Variants in PIK3C2G observed in about 807,000 individuals in gnomAD.
The protein encoded by PIK3C2G is phosphatidylinositol 3-kinase C2 domain-containing subunit gamma.
A neutral mutation model predicts 181.1 loss-of-function variants in PIK3C2G; 168 were observed. The observed-to-expected ratio is 0.93, with a 90% confidence interval of 0.82 to 1.05. The LOEUF is 1.05. PIK3C2G is among the 50% of genes least tolerant of loss of function. The pLI is 0.00. For synonymous variants in PIK3C2G, 573 were observed against 592.2 expected, an observed-to-expected ratio of 0.97 and a Z score of 0.47; for missense variants, 1,869 against 1,732.8, an observed-to-expected ratio of 1.08 and a Z score of -1.40.
At chr12:18,696,571 C>T in the PIK3C2G span, among the ~76,000 whole-genome samples, 1 of 151,666 alleles carries the variant, frequency 6.6e-6, no homozygotes, top group East Asian at 1.9e-4. Context: ...CAAATTATTT[C>T]ACTTTGTTGT....
chr12:18,342,311 T>G (rs1161343775), intron 9 of PIK3C2G, among the ~76,000 whole-genome samples: 1 of 152,076 alleles, frequency 6.6e-6, no homozygotes, highest in Non-Finnish European at 1.5e-5. Flanking sequence ...AAATGATGCT[T>G]TTAATTAAAA....
chr12:18,264,212 G>T (rs1308756590), intron 1 of PIK3C2G, among the ~76,000 whole-genome samples: 1 of 151,888 alleles, frequency 6.6e-6, no homozygotes, highest in Non-Finnish European at 1.5e-5. Flanking sequence ...TTTTAAGTTG[G>T]ATTGCTCAAC....
At chr12:18,502,690 A>T (rs1411590491) in intron 22 of PIK3C2G, among the ~76,000 whole-genome samples, 2 of 152,162 alleles carry the variant, frequency 1.3e-5, no homozygotes, top group Non-Finnish European at 2.9e-5. Context: ...AGTTCAATCA[A>T]TATATGCTCC....
chr12:18,633,946 G>A (rs1429561743), intron 31 of PIK3C2G, among the ~76,000 whole-genome samples: 1 of 152,126 alleles, frequency 6.6e-6, no homozygotes, highest in Non-Finnish European at 1.5e-5. Context: ...ATAGTGTGTG[G>A]TGCCATTCCC....
chr12:18,430,216 A>G (rs747340156), intron 18 of PIK3C2G, among the ~76,000 whole-genome samples: 31 of 152,316 alleles, frequency 2.0e-4, no homozygotes, highest in South Asian at 1.0e-3. Context: ...TCAGTATGCT[A>G]TGGGATACAT....
intron 5 of PIK3C2G, among the ~76,000 whole-genome samples, chr12:18,302,220 G>A (rs1950205009): frequency 6.6e-6 from 1 of 152,174 alleles, no homozygotes; most frequent in Non-Finnish European, 1.5e-5. Context: ...AGCAGTGGCA[G>A]CAGAGGGCCG....
At position 18,566,966 on chromosome 12, in the gene PIK3C2G, A is replaced by C. The variant is rs770091397; in HGVS notation, c.3920A>C (p.His1307Pro). 1.1e-5 allele frequency: 17 copies of C among 1,594,126 alleles called. No individual in the cohort carries two copies. The highest frequency in any genetic ancestry group is 1.5e-5 in the Non-Finnish European group (17 of 1,162,772). The change falls in exon 29 of 33, where the codon CAC becomes CCC. Residue 1307 changes from histidine to proline, a missense_variant. By Grantham distance (77) the His-to-Pro change is moderately conservative. Transcript: ENST00000538779. ...TAAAACAGGTTTCCTCATTGGTGGC[A>C]CCTACCTTTTACAAATTCAGATCAC... ...LTLPEFPHWW[H>P]LPFTNSDHRR...
intron 10 of PIK3C2G, among the ~76,000 whole-genome samples, chr12:18,344,394 C>T (rs1208414230): frequency 1.3e-5 from 2 of 151,988 alleles, no homozygotes; most frequent in East Asian, 3.9e-4. Context: ...AATAGGGTGG[C>T]GGAGGGTATA....
intron 29 of PIK3C2G, among the ~76,000 whole-genome samples, chr12:18,576,303 C>T (rs1196303612): frequency 6.6e-6 from 1 of 152,154 alleles, no homozygotes; most frequent in Non-Finnish European, 1.5e-5. Context: ...CTGGGGTAGG[C>T]TGCACTGGTT....
chr12:18,593,348 C>T (rs1210024898), intron 29 of PIK3C2G, among the ~76,000 whole-genome samples: 3 of 151,750 alleles, frequency 2.0e-5, no homozygotes, highest in Non-Finnish European at 4.4e-5. Flanking sequence ...GGATGGAAAG[C>T]TGTGTGTCTG....
chr12:18,454,168 C>G (rs559611227), intron 18 of PIK3C2G, among the ~76,000 whole-genome samples: 57 of 152,092 alleles, frequency 3.7e-4, no homozygotes, highest in African/African-American at 1.3e-3. Context: ...ATTGGAGATA[C>G]AACAGTAAAC....
intron 18 of PIK3C2G, among the ~76,000 whole-genome samples, chr12:18,482,625 T>A (rs1168382034): frequency 1.3e-5 from 2 of 152,152 alleles, no homozygotes; most frequent in African/African-American, 4.8e-5. Context: ...TTGCCCCCCC[T>A]TTTCTCCATC....
chr12:18,325,699 T>A (rs1591960355), intron 8 of PIK3C2G, among the ~76,000 whole-genome samples: 1 of 114,786 alleles, frequency 8.7e-6, no homozygotes, highest in Admixed American at 1.1e-4. Flanking sequence ...AGAGCAAGAC[T>A]CAGTCTCAAA....
At chr12:18,700,738 A>T in the PIK3C2G span, among the ~76,000 whole-genome samples, 1 of 152,022 alleles carries the variant, frequency 6.6e-6, no homozygotes, top group South Asian at 2.1e-4. Flanking sequence ...CTTTTCATCT[A>T]TGTAGGCCAA....
downstream of PIK3C2G, among the ~76,000 whole-genome samples, chr12:18,652,469 T>C (rs754773261): frequency 1.2e-4 from 19 of 152,126 alleles, no homozygotes; most frequent in South Asian, 1.0e-3. Flanking sequence ...GAACCAACCA[T>C]TGATCTTGGA....
At chr12:18,475,373 AACAC>A (rs57853875) in intron 18 of PIK3C2G, among the ~76,000 whole-genome samples, 3,835 of 139,912 alleles carry the variant, frequency 0.027, 61 homozygotes, top group African/African-American at 0.032. Flanking sequence ...CCACCACCCC[AACAC>A]ACACACACAC....
chr12:18,603,627 C>A (rs771284365), intron 30 of PIK3C2G, among the ~76,000 whole-genome samples: 2 of 152,040 alleles, frequency 1.3e-5, no homozygotes, highest in Non-Finnish European at 2.9e-5. Context: ...GACAGAAGCA[C>A]CAGTTAACCT....
At chr12:18,515,265 C>T (rs534892509) in intron 24 of PIK3C2G, among the ~76,000 whole-genome samples, 8 of 151,938 alleles carry the variant, frequency 5.3e-5, no homozygotes, top group Non-Finnish European at 7.4e-5. Context: ...AATGATTCTC[C>T]GCTTTTTTCT....
chr12:18,547,668 A>ACAAAACAAAACAAAG (rs60053359), intron 26 of PIK3C2G, among the ~76,000 whole-genome samples: 1 of 151,188 alleles, frequency 6.6e-6, no homozygotes, highest in South Asian at 2.1e-4. Flanking sequence ...ACAAAACAAA[A>ACAAAACAAAACAAAG]AAAACCCTGC....
Sources: allele counts gnomAD v4.1 joint callset (sites outside exome capture counted in the v4.1 genomes callset), GRCh38; gene constraint gnomAD v4.1.1; transcripts MANE v1.5; gene names NCBI Gene and HGNC (gene_info 2026-07-23, HGNC 2026-07-21).